Variants in PCDHB10 observed in about 807,000 individuals in gnomAD.
The protein encoded by PCDHB10 is protocadherin beta-10.
For missense variants in PCDHB10, 1,046 were observed against 1,004.7 expected (o/e 1.04, Z -0.56); for synonymous variants, 448 against 449.2 (o/e 1.00, Z 0.04).
Position 141,194,540 on chromosome 5 carries a change from T to A in PCDHB10, c.1988T>A (p.Val663Glu). Residue 663 changes from valine to glutamate, a missense_variant, in exon 1 of 1, where the codon GTG becomes GAG. By Grantham distance (121) the Val-to-Glu change is moderately radical. Coordinates refer to ENST00000239446, the MANE Select transcript of PCDHB10 (RefSeq NM_018930.4). ...SATATLHLLL[V>E]DGFSQPYLPL... ...ACCGCCACGCTGCACTTGCTCCTGG[T>A]GGACGGCTTCTCCCAGCCCTACCTG... The A allele has an allele frequency of 6.3e-7, 1 of 1,579,548 alleles. No individual in the cohort carries two copies. Among genetic ancestry groups the A allele is most frequent in the Non-Finnish European group, 8.6e-7 (1 of 1,166,458 alleles).
Position 141,195,125 on chromosome 5 carries a change from G to T in PCDHB10, c.*170G>T. 2 of 642,136 alleles carry T rather than the reference G, an allele frequency of 3.1e-6. No homozygotes were observed. Among genetic ancestry groups the T allele is most frequent in the South Asian group, 3.2e-5 (1 of 31,694 alleles). The allele number at this position is 642,136 out of a possible 1,614,324, so 39.8% of individuals were successfully genotyped here. A position where few individuals can be genotyped will look rare whatever the true frequency, so the allele number is the denominator to read the frequency against. ...CATTTTTTTGCATTAATAACAACTG[G>T]GTTTAATTTAATGAGTATTTTTTTC... is the stretch of plus-strand genomic sequence containing the variant. On this transcript the variant is annotated 3_prime_UTR_variant, in exon 1 of 1. Transcript: ENST00000239446.
rs2740585 is a variant in PCDHB10, at chr5:141,194,034, A to G, written c.1482A>G (p.Gln494=). 624 of 1,606,692 alleles carry G rather than the reference A, an allele frequency of 3.9e-4. 3 individuals carry two copies. The highest frequency in any genetic ancestry group is 1.1e-3 in the South Asian group (103 of 90,848). The change falls in exon 1 of 1, where the codon CAA becomes CAG. Residue 494 remains glutamine (Q), a synonymous_variant. Coordinates refer to ENST00000239446, the MANE Select transcript of PCDHB10 (RefSeq NM_018930.4). The part of the protein sequence containing the change: ...AQVTYSLLPP[Q]DPHLPLASLV... ...TCACCTACTCGCTGCTGCCGCCCCA[A>G]GACCCGCACCTGCCCCTCGCCTCCC... is the stretch of plus-strand genomic sequence containing the variant.
rs1554284112 is a variant in PCDHB10, at chr5:141,193,582, C to T, written c.1030C>T (p.Pro344Ser). The part of the protein sequence containing the change: ...LVEVLDTNDN[P>S]PELIVSSFSN... Reference sequence around the variant, plus strand: ...GGAAGTATTGGACACCAATGACAATCCCCCTGAACTGATCGTATCATCATT... The same window carrying T: ...GGAAGTATTGGACACCAATGACAATTCCCCTGAACTGATCGTATCATCATT... The change falls in exon 1 of 1, where the codon CCC becomes TCC. Residue 344 changes from proline to serine, a missense_variant. Physicochemically the swap from Pro to Ser is moderately conservative, Grantham distance 74 (BLOSUM62 -1). Transcript: ENST00000239446. The T allele has an allele frequency of 1.2e-6, 2 of 1,614,072 alleles. No homozygotes were observed. The highest frequency in any genetic ancestry group is 1.3e-5 in the African/African-American group (1 of 74,982).
rs571733649 is a variant in PCDHB10, at chr5:141,192,629, C to T, written c.77C>T (p.Ala26Val). The change falls in exon 1 of 1, where the codon GCA (alanine) becomes GTA (valine). Residue 26 changes from alanine to valine, a missense_variant. Physicochemically the swap from Ala to Val is moderately conservative, Grantham distance 64. Transcript: ENST00000239446. ...TTTCTTTTTTGGGGAGTGTCCTTGGCAGGTTCTGGGTTTGGACGTTATTCG... is the reference window on the plus strand; with the variant it reads ...TTTCTTTTTTGGGGAGTGTCCTTGGTAGGTTCTGGGTTTGGACGTTATTCG... ...FLFLFWGVSL[A>V]GSGFGRYSVT... 1.4e-4 allele frequency: 230 copies of T among 1,614,016 alleles called. 1 individual carries two copies. In the South Asian group the frequency reaches 2.4e-3, roughly 17 times the overall value.
rs746631503 is a variant in PCDHB10, at chr5:141,193,893, C to T, written c.1341C>T (p.Asn447=). The change falls in exon 1 of 1, where the codon AAC becomes AAT. Residue 447 remains asparagine (N), a synonymous_variant. Coordinates refer to ENST00000239446, the MANE Select transcript of PCDHB10 (RefSeq NM_018930.4). The stretch of plus-strand genomic sequence containing the variant: ...TCCTGGTCTCCGACGTCAATGACAA[C>T]GCCCCCGCCTTCACCCAAACCTCCT... ...ITVLVSDVND[N]APAFTQTSYT... 2.2e-5 allele frequency: 35 copies of T among 1,613,578 alleles called. No homozygotes were observed. Among genetic ancestry groups the T allele is most frequent in the Non-Finnish European group, 3.0e-5 (35 of 1,180,030 alleles).
chr5:141,193,640 C>G lies in PCDHB10; in HGVS notation c.1088C>G (p.Thr363Arg). 1 of 1,614,084 alleles carries G rather than the reference C, an allele frequency of 6.2e-7. No homozygotes were observed. Among genetic ancestry groups the G allele is most frequent in the Non-Finnish European group, 8.5e-7 (1 of 1,180,022 alleles). The change falls in exon 1 of 1, where the codon ACG becomes AGG. Residue 363 changes from threonine (T) to arginine (R), a missense_variant. Coordinates refer to ENST00000239446, the MANE Select transcript of PCDHB10 (RefSeq NM_018930.4). ...SNSVAENSPE[T>R]PLAVFKINDR... is the part of the protein sequence containing the mutation. ...TCTGTTGCTGAGAATTCTCCTGAGACGCCGCTGGCTGTTTTTAAGATTAAT... is the reference window on the plus strand; with the variant it reads ...TCTGTTGCTGAGAATTCTCCTGAGAGGCCGCTGGCTGTTTTTAAGATTAAT...
Position 141,194,878 on chromosome 5 carries a change from A to G in PCDHB10, c.2326A>G (p.Ile776Val). 6.2e-7 allele frequency: 1 copy of G among 1,614,124 alleles called. No homozygotes were observed. The highest frequency in any genetic ancestry group is 1.3e-5 in the African/African-American group (1 of 75,038). Residue 776 changes from isoleucine (I) to valine (V), a missense_variant, in exon 1 of 1, where the codon ATT becomes GTT. Ile to Val is a conservative substitution (Grantham distance 29). Transcript: ENST00000239446. ...GTTCTTGAAACCAGTTATTTCGGATATTCAGGCACAGGGCCCTGGGAGGAA... is the reference window on the plus strand; with the variant it reads ...GTTCTTGAAACCAGTTATTTCGGATGTTCAGGCACAGGGCCCTGGGAGGAA... ...FKFLKPVISDIQAQGPGRKGE... is the reference protein window; with the variant it reads ...FKFLKPVISDVQAQGPGRKGE...
At position 141,194,933 on chromosome 5, in the gene PCDHB10, G is replaced by A. The variant is rs1161091432; in HGVS notation, c.2381G>A (p.Ser794Asn). The change falls in exon 1 of 1, where the codon AGC (serine) becomes AAC (asparagine). Residue 794 changes from serine (S) to asparagine (N), a missense_variant. By Grantham distance (46) the Ser-to-Asn change is conservative. Transcript: ENST00000239446. ...GAAGAAAATTCCACCTTCCGAAATA[G>A]CTTTGGATTTAATATTCAGTAAAGT... ...KGEENSTFRN[S>N]FGFNIQ 12 of 1,609,450 alleles carry A rather than the reference G, an allele frequency of 7.5e-6. No individual in the cohort carries two copies. The highest frequency in any genetic ancestry group is 1.0e-5 in the Non-Finnish European group (12 of 1,177,212).
rs17844577 is a variant in PCDHB10, at chr5:141,194,136, G to C, written c.1584G>C (p.Glu528Asp). ...ACTACGAGGCCCTGCAGGCTTTCGA[G>C]TTCCGCGTGGGCGCCACAGACCGCG... ...SLDYEALQAFEFRVGATDRGS... is the reference protein window; with the variant it reads ...SLDYEALQAFDFRVGATDRGS... The change falls in exon 1 of 1, where the codon GAG (glutamate) becomes GAC (aspartate). Residue 528 changes from glutamate (E) to aspartate (D), a missense_variant. Physicochemically the swap from Glu to Asp is conservative, Grantham distance 45. Transcript: ENST00000239446. The C allele has an allele frequency of 0.021, 33,582 of 1,604,602 alleles. 1,077 individuals carry two copies. The highest frequency in any genetic ancestry group is 0.17 in the African/African-American group (12,566 of 74,536).
rs1403545337 is a variant in PCDHB10, at chr5:141,193,955, T to A, written c.1403T>A (p.Leu468Gln). Residue 468 changes from leucine (L) to glutamine (Q), a missense_variant, in exon 1 of 1, where the codon CTG becomes CAG. Physicochemically the swap from Leu to Gln is moderately radical, Grantham distance 113 (BLOSUM62 -2). Transcript: ENST00000239446. ...LFVRENNSPA[L>Q]HIGSVSATDR... ...GTCCGCGAGAACAACAGCCCCGCCCTGCACATCGGCAGCGTCAGCGCCACA... is the reference window on the plus strand; with the variant it reads ...GTCCGCGAGAACAACAGCCCCGCCCAGCACATCGGCAGCGTCAGCGCCACA... The A allele has an allele frequency of 6.8e-6, 11 of 1,611,698 alleles. No homozygotes were observed. Among genetic ancestry groups the A allele is most frequent in the Middle Eastern group, 4.2e-4 (2 of 4,754 alleles).
Position 141,195,074 on chromosome 5 carries a change from A to C in PCDHB10, c.*119A>C. The C allele has an allele frequency of 2.8e-6, 3 of 1,066,914 alleles. No individual in the cohort carries two copies. Among genetic ancestry groups the C allele is most frequent in the Non-Finnish European group, 3.9e-6 (3 of 765,904 alleles). 66.1% of individuals were successfully genotyped at this position (1,066,914 alleles called of 1,614,324 possible). On this transcript the variant is annotated 3_prime_UTR_variant, in exon 1 of 1. Coordinates refer to ENST00000239446, the MANE Select transcript of PCDHB10 (RefSeq NM_018930.4). The stretch of plus-strand genomic sequence containing the variant: ...TTCAAGCATTATTTTCAAGTAGTAT[A>C]CCCCTGTGGTTTTACAATGTTTCAT...
Position 141,193,529 on chromosome 5 carries a change from G to C in PCDHB10, c.977G>C (p.Gly326Ala). Residue 326 changes from glycine (G) to alanine (A), a missense_variant, in exon 1 of 1, where the codon GGC becomes GCC. Transcript: ENST00000239446. The stretch of plus-strand genomic sequence containing the variant: ...AATATACAGGCAATGGACGGTGGAG[G>C]CCTTTCTGCAAGATGTAGGGTTTTA... Reference protein sequence around the residue: ...KINIQAMDGGGLSARCRVLVE... With the variant: ...KINIQAMDGGALSARCRVLVE... The C allele has an allele frequency of 4.3e-6, 7 of 1,614,118 alleles. No individual in the cohort carries two copies. The highest frequency in any genetic ancestry group is 5.9e-6 in the Non-Finnish European group (7 of 1,180,014).
At position 141,192,641 on chromosome 5, in the gene PCDHB10, T is replaced by C; in HGVS notation, c.89T>C (p.Phe30Ser). 2 of 1,614,072 alleles carry C rather than the reference T, an allele frequency of 1.2e-6. No individual in the cohort carries two copies. The highest frequency in any genetic ancestry group is 2.2e-5 in the South Asian group (2 of 91,066). The change falls in exon 1 of 1, where the codon TTT (phenylalanine) becomes TCT (serine). Residue 30 changes from phenylalanine to serine, a missense_variant. Physicochemically the swap from Phe to Ser is radical, Grantham distance 155. Transcript: ENST00000239446. ...FWGVSLAGSG[F>S]GRYSVTEETE... is the part of the protein sequence containing the mutation. ...GGAGTGTCCTTGGCAGGTTCTGGGT[T>C]TGGACGTTATTCGGTGACTGAGGAA...
At position 141,193,157 on chromosome 5, in the gene PCDHB10, G is replaced by C. The variant is rs374990226; in HGVS notation, c.605G>C (p.Arg202Pro). Residue 202 changes from arginine (R) to proline (P), a missense_variant, in exon 1 of 1, where the codon CGG becomes CCG. By Grantham distance (103) the Arg-to-Pro change is moderately radical. Transcript: ENST00000239446. ...PELVLDKALDREEQGELSLTL... is the reference protein window; with the variant it reads ...PELVLDKALDPEEQGELSLTL... ...CTAGTGTTGGACAAAGCACTGGATC[G>C]GGAGGAGCAGGGAGAGCTCAGCTTA... is the stretch of plus-strand genomic sequence containing the variant. 4.3e-6 allele frequency: 7 copies of C among 1,614,056 alleles called. No individual in the cohort carries two copies. Among genetic ancestry groups the C allele is most frequent in the South Asian group, 1.1e-5 (1 of 91,072 alleles).
At position 141,193,583 on chromosome 5, in the gene PCDHB10, C is replaced by A. The variant is rs200858093; in HGVS notation, c.1031C>A (p.Pro344His). The A allele has an allele frequency of 3.8e-5, 61 of 1,613,976 alleles. No individual in the cohort carries two copies. In the Middle Eastern group the frequency reaches 4.9e-4, roughly 13 times the overall value. The change falls in exon 1 of 1, where the codon CCC (proline) becomes CAC (histidine). Residue 344 changes from proline (P) to histidine (H), a missense_variant. By Grantham distance (77) the Pro-to-His change is moderately conservative. Transcript: ENST00000239446. ...GAAGTATTGGACACCAATGACAATC[C>A]CCCTGAACTGATCGTATCATCATTT... ...LVEVLDTNDN[P>H]PELIVSSFSN...
Position 141,193,304 on chromosome 5 carries a change from C to G in PCDHB10, c.752C>G (p.Ala251Gly), listed in dbSNP as rs1465841643. ...GCCCAGGCTCTGTATGAGACCCAGG[C>G]TCCAGAAAACAGCCCCATTGGGTTC... is the stretch of plus-strand genomic sequence containing the variant. ...QFAQALYETQ[A>G]PENSPIGFLI... The change falls in exon 1 of 1, where the codon GCT becomes GGT. Residue 251 changes from alanine (A) to glycine (G), a missense_variant. Ala to Gly is a moderately conservative substitution (Grantham distance 60). Coordinates refer to ENST00000239446, the MANE Select transcript of PCDHB10 (RefSeq NM_018930.4). The G allele has an allele frequency of 6.2e-7, 1 of 1,614,082 alleles. No individual in the cohort carries two copies. Among genetic ancestry groups the G allele is most frequent in the African/African-American group, 1.3e-5 (1 of 74,992 alleles).
In PCDHB10 at chr5:141,194,574, G is replaced by A. The variant is rs369381936; in HGVS notation, c.2022G>A (p.Pro674=). The change falls in exon 1 of 1, where the codon CCG becomes CCA. Residue 674 remains proline (P), a synonymous_variant. Transcript: ENST00000239446. ...DGFSQPYLPL[P]EAAPAQAQAE... The stretch of plus-strand genomic sequence containing the variant: ...TCTCCCAGCCCTACCTGCCTCTCCC[G>A]GAGGCGGCCCCGGCCCAGGCCCAGG... 2.6e-6 allele frequency: 4 copies of A among 1,565,672 alleles called. No individual in the cohort carries two copies. The highest frequency in any genetic ancestry group is 4.4e-4 in the Middle Eastern group (2 of 4,536).
In PCDHB10 at chr5:141,194,092, T is replaced by C; in HGVS notation, c.1540T>C (p.Phe514Leu). The change falls in exon 1 of 1, where the codon TTC (phenylalanine) becomes CTC (leucine). Residue 514 changes from phenylalanine to leucine, a missense_variant. By Grantham distance (22) the Phe-to-Leu change is conservative. Transcript: ENST00000239446. ...CATCAACGCGGACAACGGCCACCTG[T>C]TCGCCCTCAGGTCGCTGGACTACGA... ...VSINADNGHL[F>L]ALRSLDYEAL... 2.5e-6 allele frequency: 4 copies of C among 1,605,722 alleles called. No individual in the cohort carries two copies. The highest frequency in any genetic ancestry group is 3.4e-6 in the Non-Finnish European group (4 of 1,176,180).
rs1554283822 is a variant in PCDHB10 at position 141,192,566 on chromosome 5, A to G, written c.14A>G (p.Glu5Gly). The change falls in exon 1 of 1, where the codon GAG becomes GGG. Residue 5 changes from glutamate (E) to glycine (G), a missense_variant. Physicochemically the swap from Glu to Gly is moderately conservative, Grantham distance 98 (BLOSUM62 -2). Coordinates refer to ENST00000239446, the MANE Select transcript of PCDHB10 (RefSeq NM_018930.4). MAVR[E>G]LCFPRQRQVL... ...TATGCAGCAGCTATGGCTGTCAGAG[A>G]GTTGTGCTTCCCAAGACAAAGGCAA... 6.2e-7 allele frequency: 1 copy of G among 1,613,686 alleles called. No homozygotes were observed. Among genetic ancestry groups the G allele is most frequent in the Non-Finnish European group, 8.5e-7 (1 of 1,179,884 alleles).
Sources: gnomAD v4.1 joint callset for allele counts on GRCh38, gnomAD v4.1.1 for gene constraint, MANE v1.5 for transcripts, NCBI Gene and HGNC (gene_info 2026-07-23, HGNC 2026-07-21) for gene names.